DCHS2: variants seen among roughly 807,000 people sequenced by gnomAD.
DCHS2 encodes protocadherin-23.
DCHS2 carries 142 observed loss-of-function variants against 182.4 expected under a neutral mutation model. The observed-to-expected ratio is 0.78, with a 90% CI of 0.68 to 0.89. The LOEUF (loss-of-function observed/expected upper bound fraction) is 0.89. Ranked by LOEUF, DCHS2 falls within the 40% of genes least tolerant of loss-of-function variation. DCHS2 has a pLI of 0.00. For synonymous variants in DCHS2, 1,740 were observed against 1,663.3 expected (o/e 1.05, Z -1.12); for missense variants, 4,319 against 4,198.6 (o/e 1.03, Z -0.79).
Position 154,353,301 on chromosome 4 carries a change from A to T in DCHS2, c.2476+12909T>A, listed in dbSNP as rs115134597. 8.5e-3 allele frequency among the ~76,000 whole-genome samples: 1,302 copies of T among 152,312 alleles called. 20 individuals carry two copies. The highest frequency in any genetic ancestry group is 0.03 in the African/African-American group (1,245 of 41,568). On this transcript the variant is annotated intron_variant, in intron 3 of 19. Transcript: ENST00000357232. Reference sequence around the variant, plus strand: ...AAAGATCCAAGCCCACAATTAAAAAAAAACACACAAAAAATCAGGAAATAT... The same window carrying T: ...AAAGATCCAAGCCCACAATTAAAAATAAACACACAAAAAATCAGGAAATAT...
At chr4:154,412,527 C>T (rs1732673928) in intron 1 of DCHS2, among the ~76,000 whole-genome samples, 1 of 152,108 alleles carries the variant, frequency 6.6e-6, no homozygotes, top group Non-Finnish European at 1.5e-5. Context: ...AGAAAATGTT[C>T]CTCATCCATA....
chr4:154,268,229 T>TC (rs1385261397), intron 14 of DCHS2, among the ~76,000 whole-genome samples: 46 of 125,860 alleles, frequency 3.7e-4, no homozygotes, highest in East Asian at 2.2e-3. Flanking sequence ...ACCTTTCACT[T>TC]TCCCCCCCCC....
intron 1 of DCHS2, among the ~76,000 whole-genome samples, chr4:154,435,613 C>T (rs1214680291): frequency 6.6e-6 from 1 of 150,886 alleles, no homozygotes; most frequent in Non-Finnish European, 1.5e-5. Flanking sequence ...AAAAAAATTA[C>T]AGAAATTGTA....
At chr4:154,466,337 A>G (rs1042160035) in intron 1 of DCHS2, among the ~76,000 whole-genome samples, 3 of 152,192 alleles carry the variant, frequency 2.0e-5, no homozygotes, top group African/African-American at 2.4e-5. Flanking sequence ...TGGTAGCCGC[A>G]TATCAGCATA....
chr4:154,305,130 C>T lies in DCHS2; in HGVS notation c.5362G>A (p.Asp1788Asn). Residue 1788 changes from aspartate (D) to asparagine (N), a missense_variant, in exon 11 of 20, where the codon GAC (aspartate) becomes AAC (asparagine). By Grantham distance (23) the Asp-to-Asn change is conservative. Transcript: ENST00000357232. Reference protein sequence around the residue: ...TGEVVTTTILDREIQEVFTLR... With the variant: ...TGEVVTTTILNREIQEVFTLR... Reference sequence around the variant, plus strand: ...GTGAAGACTTCTTGAATTTCTCTGTCAAGTATGGTGGTTGTCACTACCTCT... The same window carrying T: ...GTGAAGACTTCTTGAATTTCTCTGTTAAGTATGGTGGTTGTCACTACCTCT... 6 of 1,612,010 alleles carry T rather than the reference C, an allele frequency of 3.7e-6. No individual in the cohort carries two copies. Among genetic ancestry groups the T allele is most frequent in the Non-Finnish European group, 5.1e-6 (6 of 1,179,346 alleles).
At chr4:154,429,564 C>T (rs1560753287) in intron 1 of DCHS2, among the ~76,000 whole-genome samples, 2 of 152,156 alleles carry the variant, frequency 1.3e-5, no homozygotes, top group Admixed American at 6.5e-5. Flanking sequence ...CAGCACCCAG[C>T]GGCAGCACAT....
chr4:154,247,494 T>C (rs1732129866), intron 16 of DCHS2, among the ~76,000 whole-genome samples: 2 of 151,784 alleles, frequency 1.3e-5, no homozygotes, highest in South Asian at 4.2e-4. Flanking sequence ...ATATAAAAAT[T>C]AGCTGGGTGT....
Position 154,255,614 on chromosome 4 carries a change from C to G in DCHS2, c.6846G>C (p.Leu2282=), listed in dbSNP as rs150314278. 1.2e-5 allele frequency: 19 copies of G among 1,614,018 alleles called. No individual in the cohort carries two copies. Among genetic ancestry groups the G allele is most frequent in the Admixed American group, 5.0e-5 (3 of 60,022 alleles). The part of the protein sequence containing the change: ...GLNGLIEYSI[L]SGNQEEAFQI... ...GGAATGCTTCTTCTTGGTTGCCAGA[C>G]AGAATAGAATACTCAATCAGGCCGT... The change falls in exon 16 of 20, where the codon CTG becomes CTC. Residue 2282 remains leucine (L), a synonymous_variant. Transcript: ENST00000357232.
Position 154,335,124 on chromosome 4 carries a change from C to T in DCHS2, c.2477-20G>A, listed in dbSNP as rs1227796028. The T allele has an allele frequency of 2.1e-6, 3 of 1,431,174 alleles. No individual in the cohort carries two copies. Among genetic ancestry groups the T allele is most frequent in the Non-Finnish European group, 3.0e-6 (3 of 1,013,496 alleles). 88.7% of individuals were successfully genotyped at this position (1,431,174 alleles called of 1,614,324 possible). ...TAATTCCTGGGTAGGGAAAAGAAAACATTGGTAAACAGATAACATGTAATA... is the reference window on the plus strand; with the variant it reads ...TAATTCCTGGGTAGGGAAAAGAAAATATTGGTAAACAGATAACATGTAATA... On this transcript the variant is annotated intron_variant, in intron 3 of 19. Transcript: ENST00000357232.
Position 154,320,433 on chromosome 4 carries a change from A to G in DCHS2, c.4966T>C (p.Tyr1656His), listed in dbSNP as rs1736011411. 6.2e-7 allele frequency: 1 copy of G among 1,614,102 alleles called. No homozygotes were observed. Among genetic ancestry groups the G allele is most frequent in the Non-Finnish European group, 8.5e-7 (1 of 1,179,982 alleles). Residue 1656 changes from tyrosine to histidine, a missense_variant, in exon 9 of 20, where the codon TAC becomes CAC. By Grantham distance (83) the Tyr-to-His change is moderately conservative. Coordinates refer to ENST00000357232, the MANE Select transcript of DCHS2 (RefSeq NM_001358235.2). ...PDEGRNGKVT[Y>H]SILSGNENMT... ...TTTTCATTTCCTGAGAGGATGCTGT[A>G]TGTTACTTTTCCATTCCTTCCTTCG... is the stretch of plus-strand genomic sequence containing the variant.
chr4:154,242,181 A>C (rs141076058), intron 17 of DCHS2, among the ~76,000 whole-genome samples: 1 of 152,210 alleles, frequency 6.6e-6, no homozygotes, highest in African/African-American at 2.4e-5. Context: ...TTAGTGTGGT[A>C]CAAACGTTGA....
chr4:154,341,332 G>T (rs1182440489), intron 3 of DCHS2, among the ~76,000 whole-genome samples: 1 of 143,876 alleles, frequency 7.0e-6, no homozygotes, highest in Non-Finnish European at 1.5e-5. Context: ...CCGCGCCACT[G>T]CACTCCAGCC....
At chr4:154,398,939 T>C (rs1732043245) in intron 1 of DCHS2, among the ~76,000 whole-genome samples, 1 of 152,204 alleles carries the variant, frequency 6.6e-6, no homozygotes, top group Admixed American at 6.5e-5. Context: ...CATGCTCAAA[T>C]TAGGCAGGAC....
In DCHS2 at chr4:154,288,809, T is replaced by C. The variant is rs558556910; in HGVS notation, c.6463+9042A>G. The stretch of plus-strand genomic sequence containing the variant: ...ATACAGACACATGAAAATTAAACAA[T>C]ATGCTCCTGAATGACCAGTGATTCA... On this transcript the variant is annotated intron_variant, in intron 13 of 19. Transcript: ENST00000357232. Among the ~76,000 whole-genome samples the C allele has an allele frequency of 6.3e-4, 96 of 152,214 alleles. 1 individual carries two copies. The highest frequency in any genetic ancestry group is 2.2e-3 in the African/African-American group (92 of 41,560).
Position 154,329,580 on chromosome 4 carries a change from G to T in DCHS2, c.3861C>A (p.Ile1287=). 6.2e-7 allele frequency: 1 copy of T among 1,613,604 alleles called. No individual in the cohort carries two copies. Among genetic ancestry groups the T allele is most frequent in the Non-Finnish European group, 8.5e-7 (1 of 1,179,916 alleles). ...GGGGGAAGAAGGGCCTGTTATCATT[G>T]ATGTCAGTAACTGAGACGTAAACCG... ...TMAVYVSVTD[I]NDNRPFFPQC... The change falls in exon 6 of 20, where the codon ATC becomes ATA. Residue 1287 remains isoleucine (I), a synonymous_variant. Transcript: ENST00000357232.
intron 16 of DCHS2, among the ~76,000 whole-genome samples, chr4:154,247,203 G>A (rs920707565): frequency 2.6e-5 from 4 of 152,170 alleles, no homozygotes; most frequent in Admixed American, 1.3e-4. Context: ...GTGGCCAGGC[G>A]CAGTGGCTTA....
chr4:154,417,204 T>TGTGTGTGAGAGA (rs1560745908), intron 1 of DCHS2, among the ~76,000 whole-genome samples: 13 of 39,506 alleles, frequency 3.3e-4, no homozygotes, highest in Middle Eastern at 0.019. Flanking sequence ...TGTGTGTGTG[T>TGTGTGTGAGAGA]GAGAGAGAGA....
intron 1 of DCHS2, among the ~76,000 whole-genome samples, chr4:154,427,262 A>C (rs1280921187): frequency 7.8e-6 from 1 of 127,412 alleles, no homozygotes; most frequent in African/African-American, 2.6e-5. Flanking sequence ...TTCTCTGTAC[A>C]CAGTGAACTG....
intron 15 of DCHS2, among the ~76,000 whole-genome samples, chr4:154,257,992 C>T (rs1010137713): frequency 2.6e-5 from 4 of 152,164 alleles, no homozygotes; most frequent in Non-Finnish European, 4.4e-5. Flanking sequence ...AGAAGTGAAA[C>T]GATGCAGGGC....
Sources: gnomAD v4.1 joint callset for allele counts (sites outside exome capture counted in the v4.1 genomes callset) on GRCh38, gnomAD v4.1.1 for gene constraint, MANE v1.5 for transcripts, NCBI Gene and HGNC (gene_info 2026-07-23, HGNC 2026-07-21) for gene names.